CABLES2: variants seen among roughly 807,000 people sequenced by gnomAD.
CABLES2 encodes Cdk5 and Abl enzyme substrate 2, also known as CDK5 and ABL1 enzyme substrate 2.
Under a neutral mutation model 44.8 loss-of-function variants are expected in CABLES2, and 35 were observed. The ratio of observed to expected loss-of-function variants is 0.78; its 90% CI spans 0.60 to 1.04. The LOEUF (loss-of-function observed/expected upper bound fraction) is 1.04, where lower values mean the gene tolerates loss of function less well. Among genes scored for constraint, CABLES2 ranks in the 50% least tolerant of loss-of-function variants. CABLES2 has a pLI of 0.00. For missense variants in CABLES2, 566 were observed against 615.7 expected (o/e 0.92, Z 0.85); for synonymous variants, 282 against 281.1 (o/e 1.00, Z -0.03).
intron 1 of CABLES2, among the ~76,000 whole-genome samples, chr20:62,398,019 G>GTGA (rs1601475726): frequency 7.6e-6 from 1 of 130,982 alleles, no homozygotes; most frequent in East Asian, 2.3e-4. Context: ...TATGGCGGTG[G>GTGA]TGGTGGTGGT....
chr20:62,391,561 A>G lies in CABLES2; in HGVS notation c.1092-108T>C. ...TGGAGCGATGTAGCTTTGGGCCGCA[A>G]GAAACACCACCGCATCCTTCAGGGG... On this transcript the variant is annotated intron_variant, in intron 8 of 9. Coordinates refer to ENST00000279101, the MANE Select transcript of CABLES2 (RefSeq NM_031215.3). This position sits in a 1 kb window ranked among gnomAD's most constrained non-coding sequence, Gnocchi z 5.7. The G allele has an allele frequency of 9.0e-7, 1 of 1,112,394 alleles. No homozygotes were observed. Among genetic ancestry groups the G allele is most frequent in the East Asian group, 2.4e-5 (1 of 41,972 alleles). The allele number at this position is 1,112,394 out of a possible 1,614,324, so 68.9% of individuals were successfully genotyped here. A position where few individuals can be genotyped will look rare whatever the true frequency, so the allele number is the denominator to read the frequency against.
chr20:62,406,812 T>C (rs8119671), intron 1 of CABLES2, 103 bp downstream of exon 1: 7 of 619,888 alleles, frequency 1.1e-5, no homozygotes, highest in African/African-American at 4.0e-5. Context: ...CCTGGGCTGA[T>C]GAGGCCCCAA....
At position 62,390,191 on chromosome 20, in the gene CABLES2, A is replaced by C. The variant is rs978020476; in HGVS notation, c.*780T>G. ...CAGAGTGTCTCCTGGTGAGAGGCAG[A>C]GGGTAGAGCATGGCATGGGATGGGC... On this transcript the variant is annotated 3_prime_UTR_variant, in exon 10 of 10. Transcript: ENST00000279101. 2.6e-5 allele frequency: 4 copies of C among 152,642 alleles called. No homozygotes were observed. In the East Asian group the frequency reaches 7.7e-4, roughly 29 times the overall value. The allele number at this position is 152,642 out of a possible 1,614,324, so 9.5% of individuals were successfully genotyped here.
In CABLES2 at chr20:62,391,122, G is replaced by A; in HGVS notation, c.1297-11C>T. ...CCTTTCTTCTAACTTCTGCAGGGGA[G>A]AAGAGAGAAGGGTTACACGGGAGCC... On this transcript the variant is annotated splice_polypyrimidine_tract_variant and intron_variant, in intron 9 of 9. Transcript: ENST00000279101. This position sits in a 1 kb window ranked among gnomAD's most constrained non-coding sequence, Gnocchi z 5.7. 1 of 1,613,840 alleles carries A rather than the reference G, an allele frequency of 6.2e-7. No individual in the cohort carries two copies. The highest frequency in any genetic ancestry group is 1.3e-5 in the African/African-American group (1 of 75,054).
Position 62,396,873 on chromosome 20 carries a change from G to GCACGC in CABLES2, c.363-286_363-282dup, listed in dbSNP as rs1444918601. The stretch of plus-strand genomic sequence containing the variant: ...GCATAGGATAGCACAGCACAGCACA[G>GCACGC]CACGCCAACCTGCCCTGCCCACCGA... On this transcript the variant is annotated intron_variant, in intron 1 of 9. Transcript: ENST00000279101. This position sits in a 1 kb window ranked among gnomAD's most constrained non-coding sequence, Gnocchi z 5.7. Among the ~76,000 whole-genome samples the GCACGC allele has an allele frequency of 6.6e-6, 1 of 152,128 alleles. No individual in the cohort carries two copies. Among genetic ancestry groups the GCACGC allele is most frequent in the Non-Finnish European group, 1.5e-5 (1 of 68,008 alleles).
chr20:62,396,313 A>G lies in CABLES2; in HGVS notation c.527+2T>C, dbSNP rs1391869603. 6.2e-7 allele frequency: 1 copy of G among 1,612,694 alleles called. No individual in the cohort carries two copies. Among genetic ancestry groups the G allele is most frequent in the African/African-American group, 1.3e-5 (1 of 74,554 alleles). ...GGCCCGGTTCCCGGCTCCGCTTCAT[A>G]CCTGCTGTTCCTGGTGTCGTACTGC... On this transcript the variant is annotated splice_donor_variant, in intron 3 of 9. Coordinates refer to ENST00000279101, the MANE Select transcript of CABLES2 (RefSeq NM_031215.3). LOFTEE classifies it high-confidence loss of function. The surrounding 1 kb of genome is among the most constrained non-coding windows in gnomAD (Gnocchi z 5.7).
At chr20:62,398,154 G>GTGGTTA (rs1988099682) in intron 1 of CABLES2, among the ~76,000 whole-genome samples, 1 of 138,018 alleles carries the variant, frequency 7.2e-6, no homozygotes, top group Non-Finnish European at 1.6e-5. Context: ...GGTGGTGGTG[G>GTGGTTA]TGACGGTGAT....
At chr20:62,392,168 G>A (rs1987930580) in intron 8 of CABLES2, among the ~76,000 whole-genome samples, 1 of 151,746 alleles carries the variant, frequency 6.6e-6, no homozygotes, top group African/African-American at 2.4e-5. Context: ...GAGACCCAGT[G>A]GTGTGTGGGG....
chr20:62,396,651 C>T lies in CABLES2; in HGVS notation c.363-59G>A. Reference sequence around the variant, plus strand: ...ACCAGCCCGGGTGCCGCCTTTGTGGCCAGAAACCGAGTGCCGCCCGCTGTG... The same window carrying T: ...ACCAGCCCGGGTGCCGCCTTTGTGGTCAGAAACCGAGTGCCGCCCGCTGTG... On this transcript the variant is annotated intron_variant, in intron 1 of 9. Transcript: ENST00000279101. The surrounding 1 kb of genome is among the most constrained non-coding windows in gnomAD (Gnocchi z 5.7). 1 of 1,540,162 alleles carries T rather than the reference C, an allele frequency of 6.5e-7. No individual in the cohort carries two copies. The highest frequency in any genetic ancestry group is 1.9e-5 in the Admixed American group (1 of 52,094).
At position 62,391,046 on chromosome 20, in the gene CABLES2, C is replaced by T. The variant is rs141862133; in HGVS notation, c.1362G>A (p.Val454=). ...GAAGATACAGGGCCAGCTCCAAGGCCACGAGCACTGTGAACTCAAACCCTA... is the reference window on the plus strand; with the variant it reads ...GAAGATACAGGGCCAGCTCCAAGGCTACGAGCACTGTGAACTCAAACCCTA... ...DLIGFEFTVL[V]ALELALYLPE... Residue 454 remains valine (V), a synonymous_variant, in exon 10 of 10, where the codon GTG becomes GTA. Transcript: ENST00000279101. The surrounding 1 kb of genome is among the most constrained non-coding windows in gnomAD (Gnocchi z 5.7). The T allele has an allele frequency of 3.1e-5, 50 of 1,614,030 alleles. No homozygotes were observed. In the African/African-American group the frequency reaches 6.5e-4, roughly 21 times the overall value.
At position 62,396,165 on chromosome 20, in the gene CABLES2, G is replaced by T. The variant is rs1988014605; in HGVS notation, c.527+150C>A. On this transcript the variant is annotated intron_variant, in intron 3 of 9. Coordinates refer to ENST00000279101, the MANE Select transcript of CABLES2 (RefSeq NM_031215.3). The surrounding 1 kb of genome is among the most constrained non-coding windows in gnomAD (Gnocchi z 5.7). ...CGGCTGATGTGGAGCAAGCAGTGTG[G>T]TGGGGAGGAGGGCCCACCTCTAGAG... 1 of 696,812 alleles carries T rather than the reference G, an allele frequency of 1.4e-6. No individual in the cohort carries two copies. Among genetic ancestry groups the T allele is most frequent in the South Asian group, 1.6e-5 (1 of 60,828 alleles). 43.2% of individuals were successfully genotyped at this position (696,812 alleles called of 1,614,324 possible).
chr20:62,401,981 G>GC (rs1315930262), intron 1 of CABLES2, among the ~76,000 whole-genome samples: 1 of 152,230 alleles, frequency 6.6e-6, no homozygotes, highest in Non-Finnish European at 1.5e-5. Flanking sequence ...TGGGGCAAAT[G>GC]CAAGTTCTGC....
rs532300276 is a variant in CABLES2 at position 62,391,572 on chromosome 20, C to T, written c.1092-119G>A. 193 of 997,312 alleles carry T rather than the reference C, an allele frequency of 1.9e-4. No homozygotes were observed. The African/African-American group carries it at 2.7e-3, about 14-fold the overall frequency. The allele number at this position is 997,312 out of a possible 1,614,324, so 61.8% of individuals were successfully genotyped here. ...AGCTTTGGGCCGCAAGAAACACCAC[C>T]GCATCCTTCAGGGGATGGTACCCTC... On this transcript the variant is annotated intron_variant, in intron 8 of 9. Coordinates refer to ENST00000279101, the MANE Select transcript of CABLES2 (RefSeq NM_031215.3). The surrounding 1 kb of genome is among the most constrained non-coding windows in gnomAD (Gnocchi z 5.7).
At chr20:62,403,305 T>C (rs1570024) in intron 1 of CABLES2, 93,014 of 152,132 alleles carry the variant, frequency 0.61, 29,945 homozygotes, top group African/African-American at 0.79. Flanking sequence ...AGTTGAACTG[T>C]GTCGCCCCCT....
intron 5 of CABLES2, 73 bp downstream of exon 5, chr20:62,394,084 T>G: frequency 8.6e-7 from 1 of 1,162,940 alleles, no homozygotes; most frequent in Non-Finnish European, 1.3e-6. Context: ...TCGTGGGCAC[T>G]GACGTGGGAC....
chr20:62,390,594 TTTG>T lies in CABLES2; in HGVS notation c.*374_*376del. The stretch of plus-strand genomic sequence containing the variant: ...CCTGACGCTGTGGTGGCTGCGGTGG[TTTG>T]CAGAAGGCGAGGCCAGGGGAGACAC... On this transcript the variant is annotated 3_prime_UTR_variant, in exon 10 of 10. Coordinates refer to ENST00000279101, the MANE Select transcript of CABLES2 (RefSeq NM_031215.3). 4.3e-6 allele frequency: 1 copy of T among 234,010 alleles called. No individual in the cohort carries two copies. Among genetic ancestry groups the T allele is most frequent in the Non-Finnish European group, 8.5e-6 (1 of 117,376 alleles). The allele number at this position is 234,010 out of a possible 1,614,324, so 14.5% of individuals were successfully genotyped here.
intron 1 of CABLES2, among the ~76,000 whole-genome samples, chr20:62,397,997 G>GGCT (rs1316426428): frequency 8.5e-6 from 1 of 117,862 alleles, no homozygotes. Flanking sequence ...TGGTGGTGAT[G>GGCT]ATGGTGATGG....
chr20:62,398,037 A>ATGGCGGTGG, intron 1 of CABLES2, among the ~76,000 whole-genome samples: 1 of 81,020 alleles, frequency 1.2e-5, no homozygotes, highest in East Asian at 4.8e-4. Context: ...GGTGACAGTG[A>ATGGCGGTGG]TGGTGATGGT....
In CABLES2 at chr20:62,393,578, G is replaced by C; in HGVS notation, c.742C>G (p.Pro248Ala). 6.2e-7 allele frequency: 1 copy of C among 1,605,826 alleles called. No homozygotes were observed. Among genetic ancestry groups the C allele is most frequent in the Non-Finnish European group, 8.5e-7 (1 of 1,175,696 alleles). Residue 248 changes from proline to alanine, a missense_variant, in exon 6 of 10, where the codon CCC becomes GCC. Around this residue, in one of 2 missense-constraint regions of CABLES2, gnomAD observed 436 missense variants for 536.3 expected, o/e 0.81. Transcript: ENST00000279101. ...TTGTGTGTGACCAGGGCGTTGGTGG[G>C]ATACAGGAACTTCGCATAAGACACG... is the stretch of plus-strand genomic sequence containing the variant. ...KVVSYAKFLYPTNALVTHKSD... is the reference protein window; with the variant it reads ...KVVSYAKFLYATNALVTHKSD...
Sources: gnomAD v4.1 joint callset for allele counts (sites outside exome capture counted in the v4.1 genomes callset) on GRCh38, gnomAD v4.1.1 for gene constraint, gnomAD v4.1.1 regional missense constraint, Gnocchi (gnomAD v3.1) non-coding constraint, MANE v1.5 for transcripts, NCBI Gene and HGNC (gene_info 2026-07-23, HGNC 2026-07-21) for gene names.